The following SIAE variants were observed in gnomAD, a reference collection of about 807,000 sequenced individuals.
SIAE encodes the protein sialic acid acetylesterase.
A neutral mutation model predicts 52.6 loss-of-function variants in SIAE; 39 were observed. The observed-to-expected ratio is 0.74, with a 90% CI of 0.57 to 0.97. The LOEUF is 0.97. Ranked by LOEUF, SIAE falls within the 50% of genes least tolerant of loss-of-function variation. SIAE has a pLI of 0.00. For missense variants in SIAE, 592 were observed against 662.1 expected (o/e 0.89, Z 1.16); for synonymous variants, 233 against 241.4 (o/e 0.97, Z 0.32).
chr11:124,644,906 T>A (rs1399054040), intron 7 of SIAE, among the ~76,000 whole-genome samples: 1 of 152,188 alleles, frequency 6.6e-6, no homozygotes, highest in Admixed American at 6.5e-5. Flanking sequence ...TTAGCACTTC[T>A]ATGAAGCCAG....
chr11:124,675,365 A>AT, upstream of SIAE: 1 of 1,614,220 alleles, frequency 6.2e-7, no homozygotes, highest in East Asian at 2.2e-5. Flanking sequence ...CAACCGGACA[A>AT]TATACCAGCT....
chr11:124,656,183 A>G (rs1165176412), intron 3 of SIAE, among the ~76,000 whole-genome samples: 1 of 152,200 alleles, frequency 6.6e-6, no homozygotes, highest in African/African-American at 2.4e-5. Flanking sequence ...ATCTCAAGCA[A>G]CTTCAGAAAA....
chr11:124,671,674 A>G (rs893067375), intron 1 of SIAE, among the ~76,000 whole-genome samples: 24 of 151,974 alleles, frequency 1.6e-4, no homozygotes, highest in African/African-American at 5.8e-4. Flanking sequence ...GCAATGGACA[A>G]AAAAAAAGAG....
intron 4 of SIAE, among the ~76,000 whole-genome samples, chr11:124,653,551 G>T (rs560353634): frequency 3.9e-5 from 6 of 152,268 alleles, no homozygotes; most frequent in African/African-American, 1.4e-4. Context: ...TGCGGCAAAG[G>T]TCTCTAGGTT....
chr11:124,638,181 C>T (rs1277573682), intron 9 of SIAE, among the ~76,000 whole-genome samples: 2 of 152,172 alleles, frequency 1.3e-5, no homozygotes, highest in Non-Finnish European at 1.5e-5. Flanking sequence ...AAAAAATACA[C>T]CCAAGGATGG....
rs1447470308 is a variant in SIAE at position 124,636,699 on chromosome 11, T to A, written c.*252A>T. On this transcript the variant is annotated 3_prime_UTR_variant, in exon 10 of 10. Transcript: ENST00000263593. ...ATGAGGGAAGTAAATGACATTGAGG[T>A]CCAATTTGTCTGTAGTTCAGAATTA... 3 of 540,170 alleles carry A rather than the reference T, an allele frequency of 5.6e-6. No homozygotes were observed. In the East Asian group the frequency reaches 9.8e-5, roughly 18 times the overall value. The allele number at this position is 540,170 out of a possible 1,614,324, so 33.5% of individuals were successfully genotyped here.
chr11:124,651,503 G>A lies in SIAE; in HGVS notation c.545-1707C>T, dbSNP rs60681947. Among the ~76,000 whole-genome samples, 1,358 of 150,626 alleles carry A rather than the reference G, an allele frequency of 9.0e-3. 24 individuals are homozygous for A. In the East Asian group the frequency reaches 0.091, roughly 10 times the overall value. On this transcript the variant is annotated intron_variant, in intron 4 of 9. Transcript: ENST00000263593. ...GCGGAGGTTGCAGTGAGCTGAGATC[G>A]TGCCACTGCACTCCAGCCTGGGCGA...
intron 4 of SIAE, among the ~76,000 whole-genome samples, chr11:124,651,713 G>A (rs115723893): frequency 0.016 from 2,424 of 152,238 alleles, 32 homozygotes; most frequent in Non-Finnish European, 0.02. Flanking sequence ...GCCCCGCACC[G>A]TGCTTCCACG....
chr11:124,659,983 G>C (rs1943162529), intron 3 of SIAE: 1 of 155,462 alleles, frequency 6.4e-6, no homozygotes, highest in East Asian at 1.9e-4. Context: ...ATTTCTCAAA[G>C]GAATGATTAA....
chr11:124,642,667 T>C (rs1942867581), intron 7 of SIAE, among the ~76,000 whole-genome samples: 1 of 152,196 alleles, frequency 6.6e-6, no homozygotes. Context: ...AACTCGTAAT[T>C]TGATTCTAAC....
chr11:124,673,568 C>A, intron 1 of SIAE, 74 bp downstream of exon 1: 1 of 1,528,018 alleles, frequency 6.5e-7, no homozygotes, highest in Non-Finnish European at 9.0e-7. Context: ...GGATCCGTGT[C>A]CCGCAGAGGA....
intron 2 of SIAE, 84 bp from the exon 3 acceptor site, chr11:124,660,887 C>T: frequency 6.7e-7 from 1 of 1,502,832 alleles, no homozygotes; most frequent in African/African-American, 1.4e-5. Context: ...GTGGCTATTC[C>T]CAGCCTCTGT....
chr11:124,644,920 C>T (rs1337440644), intron 7 of SIAE, among the ~76,000 whole-genome samples: 1 of 152,218 alleles, frequency 6.6e-6, no homozygotes, highest in Non-Finnish European at 1.5e-5. Context: ...AAGCCAGTTC[C>T]TCTTTCCTTA....
upstream of SIAE, chr11:124,675,609 G>A: frequency 1.8e-6 from 1 of 540,986 alleles, no homozygotes; most frequent in Non-Finnish European, 3.2e-6. Context: ...TCATATTATC[G>A]AAGATTACCA....
intron 2 of SIAE, among the ~76,000 whole-genome samples, chr11:124,661,394 A>G (rs1299912163): frequency 6.6e-6 from 1 of 152,230 alleles, no homozygotes; most frequent in Non-Finnish European, 1.5e-5. Flanking sequence ...AGTGGGAGGC[A>G]TATAAATTAA....
intron 7 of SIAE, among the ~76,000 whole-genome samples, chr11:124,644,378 G>T (rs1047913853): frequency 3.0e-5 from 4 of 133,432 alleles, no homozygotes; most frequent in African/African-American, 1.3e-4. Context: ...AAAAAAACTA[G>T]CCTGAAGCTC....
At chr11:124,659,920 G>T (rs1943161694) in intron 3 of SIAE, 1 of 152,316 alleles carries the variant, frequency 6.6e-6, no homozygotes, top group East Asian at 1.9e-4. Flanking sequence ...TTCAAAAAGA[G>T]ATGAATTGAG....
chr11:124,672,677 A>G (rs1343607015), intron 1 of SIAE, among the ~76,000 whole-genome samples: 1 of 152,172 alleles, frequency 6.6e-6, no homozygotes, highest in Non-Finnish European at 1.5e-5. Context: ...AAGGTCACTG[A>G]GTGGAGATAA....
At chr11:124,668,880 G>C (rs1055553550) in intron 2 of SIAE, among the ~76,000 whole-genome samples, 1 of 152,170 alleles carries the variant, frequency 6.6e-6, no homozygotes, top group Admixed American at 6.5e-5. Context: ...CATGGTGCTA[G>C]TCTTGGGTTT....
Sources: gnomAD v4.1 joint callset for allele counts (sites outside exome capture counted in the v4.1 genomes callset) on GRCh38, gnomAD v4.1.1 for gene constraint, MANE v1.5 for transcripts, NCBI Gene and HGNC (gene_info 2026-07-23, HGNC 2026-07-21) for gene names.